Variants in RPS6KC1 observed in about 807,000 individuals in gnomAD.
The protein encoded by RPS6KC1 is inactive ribosomal protein S6 kinase delta-1.
A neutral mutation model predicts 103.8 loss-of-function variants in RPS6KC1; 54 were observed. That is an observed-to-expected ratio of 0.52 (90% CI 0.42 to 0.65). The LOEUF (loss-of-function observed/expected upper bound fraction) is 0.65, where lower values mean the gene tolerates loss of function less well. Among genes scored for constraint, RPS6KC1 ranks in the 30% least tolerant of loss-of-function variants. The pLI is 0.00. For missense variants in RPS6KC1, 1,151 were observed against 1,253.8 expected (o/e 0.92, Z 1.24); for synonymous variants, 439 against 438.7 (o/e 1.00, Z -0.01).
chr1:213,095,397 A>G (rs1353290262), intron 3 of RPS6KC1, among the ~76,000 whole-genome samples: 1 of 152,254 alleles, frequency 6.6e-6, no homozygotes, highest in East Asian at 1.9e-4. Context: ...CATTTTAAAA[A>G]AGTTGTAAAC....
chr1:213,857,423 AC>A, the RPS6KC1 span, among the ~76,000 whole-genome samples: 3 of 152,310 alleles, frequency 2.0e-5, 1 homozygote, highest in South Asian at 6.2e-4. Flanking sequence ...TAATGTGTTC[AC>A]ACCTTCCCGT....
At chr1:213,514,507 G>A in the RPS6KC1 span, among the ~76,000 whole-genome samples, 2 of 150,966 alleles carry the variant, frequency 1.3e-5, no homozygotes, top group South Asian at 2.1e-4. Context: ...GCCATAGTTT[G>A]CTGAGAATGA....
intron 4 of RPS6KC1, among the ~76,000 whole-genome samples, chr1:213,113,893 G>A (rs2083294380): frequency 6.6e-6 from 1 of 151,962 alleles, no homozygotes; most frequent in Non-Finnish European, 1.5e-5. Context: ...TATTTCTGAG[G>A]GCTCTGTTCT....
chr1:213,419,554 A>T, the RPS6KC1 span, among the ~76,000 whole-genome samples: 1 of 152,126 alleles, frequency 6.6e-6, no homozygotes, highest in Non-Finnish European at 1.5e-5. Context: ...TGATGTTCAA[A>T]CCTAGATCTA....
the RPS6KC1 span, among the ~76,000 whole-genome samples, chr1:213,653,260 C>G: frequency 2.0e-5 from 3 of 152,148 alleles, no homozygotes; most frequent in African/African-American, 7.2e-5. Flanking sequence ...GAGTTTGAGA[C>G]CAGCCTGGGC....
At chr1:213,318,306 CT>C in the RPS6KC1 span, among the ~76,000 whole-genome samples, 1 of 152,250 alleles carries the variant, frequency 6.6e-6, no homozygotes, top group African/African-American at 2.4e-5. Context: ...TAGAGCCTCC[CT>C]TTAGCAAGTA....
the RPS6KC1 span, among the ~76,000 whole-genome samples, chr1:213,701,247 T>G: frequency 4.6e-5 from 1 of 21,678 alleles, no homozygotes; most frequent in Non-Finnish European, 1.3e-4. Context: ...TTTTTGAGGG[T>G]TTTTTTTATC....
the RPS6KC1 span, among the ~76,000 whole-genome samples, chr1:213,384,731 T>A: frequency 1.2e-4 from 19 of 152,284 alleles, no homozygotes; most frequent in South Asian, 3.7e-3. Context: ...GGGTTTCAAA[T>A]GAGGAGAGCT....
the RPS6KC1 span, among the ~76,000 whole-genome samples, chr1:213,292,323 T>C: frequency 6.6e-6 from 1 of 152,172 alleles, no homozygotes; most frequent in Non-Finnish European, 1.5e-5. Flanking sequence ...AAGATCATGT[T>C]GATAGGAAGC....
At chr1:213,209,422 G>A (rs538406277) in intron 8 of RPS6KC1, among the ~76,000 whole-genome samples, 34 of 152,230 alleles carry the variant, frequency 2.2e-4, no homozygotes, top group African/African-American at 6.3e-4. Context: ...GAGGCCAGGT[G>A]TGGTGGCTCA....
chr1:213,363,611 TTGCTTGCTTGCTTG>T, the RPS6KC1 span, among the ~76,000 whole-genome samples: 33 of 76,778 alleles, frequency 4.3e-4, 1 homozygote, highest in African/African-American at 1.5e-3. Context: ...GCTCGCTTGC[TTGCTTGCTTGCTTG>T]CTTTCTTTCT....
chr1:213,713,928 C>G, the RPS6KC1 span, among the ~76,000 whole-genome samples: 2 of 152,118 alleles, frequency 1.3e-5, no homozygotes, highest in African/African-American at 4.8e-5. Context: ...TCCTATCATC[C>G]TTCTCTTCAT....
chr1:213,201,217 C>T (rs571273206), intron 8 of RPS6KC1, among the ~76,000 whole-genome samples: 16 of 152,276 alleles, frequency 1.1e-4, no homozygotes, highest in African/African-American at 3.4e-4. Context: ...AGTTGTTCTT[C>T]ACTAGGTGAA....
intron 3 of RPS6KC1, among the ~76,000 whole-genome samples, chr1:213,083,629 G>A (rs2080111057): frequency 6.6e-6 from 1 of 152,162 alleles, no homozygotes; most frequent in African/African-American, 2.4e-5. Flanking sequence ...CTGCCATAAT[G>A]GGATGAGACT....
At chr1:213,377,783 A>C in the RPS6KC1 span, among the ~76,000 whole-genome samples, 1 of 152,194 alleles carries the variant, frequency 6.6e-6, no homozygotes, top group East Asian at 1.9e-4. Context: ...ATTCCTGCTC[A>C]GTTTGGGAGG....
At chr1:213,220,966 T>C (rs2093816679) in intron 8 of RPS6KC1, among the ~76,000 whole-genome samples, 2 of 152,178 alleles carry the variant, frequency 1.3e-5, no homozygotes, top group South Asian at 4.1e-4. Context: ...TTTTGTTAAA[T>C]CTGTCTCAAA....
chr1:213,329,654 G>A, the RPS6KC1 span, among the ~76,000 whole-genome samples: 1 of 151,968 alleles, frequency 6.6e-6, no homozygotes. Flanking sequence ...CCCGGCTGGC[G>A]GAGATAGCTG....
At chr1:213,289,374 T>C in the RPS6KC1 span, among the ~76,000 whole-genome samples, 1 of 152,170 alleles carries the variant, frequency 6.6e-6, no homozygotes, top group Admixed American at 6.5e-5. Context: ...AAATTTTTTT[T>C]CCACGACTTT....
the RPS6KC1 span, among the ~76,000 whole-genome samples, chr1:213,722,014 G>A: frequency 6.6e-6 from 1 of 151,948 alleles, no homozygotes; most frequent in Non-Finnish European, 1.5e-5. Context: ...TGCCCACTCC[G>A]TCTCTTCTGG....
Sources: allele counts gnomAD v4.1 joint callset (sites outside exome capture counted in the v4.1 genomes callset), GRCh38; gene constraint gnomAD v4.1.1; transcripts MANE v1.5; gene names NCBI Gene and HGNC (gene_info 2026-07-23, HGNC 2026-07-21).